Variants in CAT observed in about 807,000 individuals in gnomAD.
CAT encodes catalase, also known as epididymis secretory sperm binding protein.
CAT carries 43 observed loss-of-function variants against 59.0 expected under a neutral mutation model. That is an observed-to-expected ratio of 0.73 (90% CI 0.57 to 0.94). The LOEUF is 0.94. Ranked by LOEUF, CAT falls within the 40% of genes least tolerant of loss-of-function variation. The pLI is 0.00. For synonymous variants in CAT, 218 were observed against 230.9 expected (o/e 0.94, Z 0.51); for missense variants, 664 against 682.9 (o/e 0.97, Z 0.31).
intron 8 of CAT, 102 bp from the exon 9 acceptor site, chr11:34,461,149 A>G (rs567336300): frequency 7.8e-7 from 1 of 1,282,250 alleles, no homozygotes; most frequent in African/African-American, 1.5e-5. Flanking sequence ...GTAACCATGT[A>G]CAGAGTGCTT....
chr11:34,451,526 G>A (rs1204344255), intron 3 of CAT, among the ~76,000 whole-genome samples: 1 of 152,076 alleles, frequency 6.6e-6, no homozygotes, highest in Non-Finnish European at 1.5e-5. Flanking sequence ...ATTTTTGAGA[G>A]GCTAAGTGAT....
chr11:34,451,832 G>T, intron 3 of CAT, among the ~76,000 whole-genome samples: 1 of 152,086 alleles, frequency 6.6e-6, no homozygotes, highest in East Asian at 1.9e-4. Flanking sequence ...TCTTATTATG[G>T]TAAATGAATG....
intron 1 of CAT, among the ~76,000 whole-genome samples, chr11:34,440,457 C>T (rs541650093): frequency 1.1e-3 from 165 of 152,266 alleles, no homozygotes; most frequent in Middle Eastern, 3.4e-3. Flanking sequence ...GGTGCAAATC[C>T]TGGTTCACAC....
At chr11:34,453,975 T>G (rs2133184179) in intron 6 of CAT, 49 bp downstream of exon 6, 1 of 1,583,994 alleles carries the variant, frequency 6.3e-7, no homozygotes, top group Non-Finnish European at 8.7e-7. Flanking sequence ...ACCGCATACC[T>G]CCTTATTTTT....
chr11:34,447,996 G>A (rs555185740), intron 1 of CAT, among the ~76,000 whole-genome samples: 10 of 152,292 alleles, frequency 6.6e-5, no homozygotes, highest in African/African-American at 2.4e-4. Context: ...AGTGGCAAGG[G>A]CATTTACTAG....
chr11:34,453,223 T>C, intron 5 of CAT, 29 bp downstream of exon 5: 7 of 1,298,254 alleles, frequency 5.4e-6, no homozygotes, highest in Non-Finnish European at 7.9e-6. Context: ...CATTGTATTA[T>C]ATCACCTGGG....
intron 10 of CAT, 64 bp from the exon 11 acceptor site, chr11:34,468,224 G>A: frequency 9.2e-7 from 1 of 1,082,598 alleles, no homozygotes; most frequent in Admixed American, 1.7e-5. Flanking sequence ...TGTTGTAGTA[G>A]GTGAATTTTG....
intron 1 of CAT, among the ~76,000 whole-genome samples, chr11:34,439,312 G>T (rs777084804): frequency 2.0e-5 from 3 of 152,214 alleles, no homozygotes; most frequent in Non-Finnish European, 2.9e-5. Flanking sequence ...ACAGGCTCGG[G>T]TGGTTGCTTC....
intron 1 of CAT, among the ~76,000 whole-genome samples, chr11:34,447,423 G>C (rs1457184919): frequency 6.6e-6 from 1 of 151,754 alleles, no homozygotes; most frequent in Non-Finnish European, 1.5e-5. Context: ...TTTTTTTTCT[G>C]GTTCATTTTC....
intron 1 of CAT, among the ~76,000 whole-genome samples, chr11:34,446,063 C>G (rs1026613923): frequency 3.9e-5 from 6 of 152,258 alleles, no homozygotes; most frequent in Admixed American, 3.9e-4. Flanking sequence ...TTAAATACAC[C>G]GCATCCTGCT....
rs748066021 is a variant in CAT at position 34,461,317 on chromosome 11, G to A, written c.1123G>A (p.Val375Met). 4 of 1,614,200 alleles carry A rather than the reference G, an allele frequency of 2.5e-6. No homozygotes were observed. The South Asian group carries it at 4.4e-5, about 18-fold the overall frequency. Residue 375 changes from valine (V) to methionine (M), a missense_variant, in exon 9 of 13, where the codon GTG becomes ATG. Coordinates refer to ENST00000241052, the MANE Select transcript of CAT (RefSeq NM_001752.4). The part of the protein sequence containing the change: ...RLGPNYLHIP[V>M]NCPYRARVAN... ...GGGACCCAATTATCTTCATATACCT[G>A]TGAACTGTCCCTACCGTGCTCGAGT...
In CAT at chr11:34,445,054, CT is replaced by C. The variant is rs1169390045; in HGVS notation, c.67-4136del. Reference sequence around the variant, plus strand: ...CTTCCTCCTGCTTGTTAGAAAGGCTCTTGGCCATATCATATTGGTCCGTGGT... The same window carrying C: ...CTTCCTCCTGCTTGTTAGAAAGGCTCTGGCCATATCATATTGGTCCGTGGT... On this transcript the variant is annotated intron_variant, in intron 1 of 12. Coordinates refer to ENST00000241052, the MANE Select transcript of CAT (RefSeq NM_001752.4). Among the ~76,000 whole-genome samples, 4 of 152,072 alleles carry C rather than the reference CT, an allele frequency of 2.6e-5. No individual in the cohort carries two copies. The South Asian group carries it at 6.2e-4, about 24-fold the overall frequency.
intron 3 of CAT, 116 bp downstream of exon 3, chr11:34,451,214 A>T (rs1202125329): frequency 5.3e-6 from 4 of 756,906 alleles, no homozygotes; most frequent in African/African-American, 1.7e-5. Context: ...TCTCCAAATT[A>T]TGTCAAGGTT....
intron 12 of CAT, 109 bp downstream of exon 12, chr11:34,471,150 T>C (rs1276270013): frequency 9.0e-6 from 9 of 1,001,148 alleles, no homozygotes; most frequent in Non-Finnish European, 1.3e-5. Flanking sequence ...TACCTGCCAC[T>C]GTTAGATTTC....
At position 34,468,338 on chromosome 11, in the gene CAT, G is replaced by T. The variant is rs1411923337; in HGVS notation, c.1377G>T (p.Leu459=). ...TGAATGAGGAACAGAGGAAACGTCT[G>T]TGTGAGAACATTGCCGGCCACCTGA... ...NVLNEEQRKR[L]CENIAGHLKD... is the part of the protein sequence containing the mutation. Residue 459 remains leucine, a synonymous_variant, in exon 11 of 13, where the codon CTG becomes CTT. Transcript: ENST00000241052. The T allele has an allele frequency of 1.9e-6, 3 of 1,613,998 alleles. No individual in the cohort carries two copies. Among genetic ancestry groups the T allele is most frequent in the Non-Finnish European group, 2.5e-6 (3 of 1,180,004 alleles).
chr11:34,461,534 G>A (rs1350459643), intron 9 of CAT, 145 bp downstream of exon 9: 16 of 880,054 alleles, frequency 1.8e-5, no homozygotes, highest in Admixed American at 1.8e-4. Context: ...CTAACTGGGC[G>A]CTTTTTTGCC....
At chr11:34,449,443 AC>A in intron 2 of CAT, 80 bp downstream of exon 2, 1 of 1,221,280 alleles carries the variant, frequency 8.2e-7, no homozygotes, top group Admixed American at 1.9e-5. Context: ...GGATTGGAAG[AC>A]CTTTAACACA....
chr11:34,466,914 T>C (rs1221665145), intron 10 of CAT, among the ~76,000 whole-genome samples: 1 of 151,724 alleles, frequency 6.6e-6, no homozygotes, highest in Non-Finnish European at 1.5e-5. Context: ...ATTTAATAGA[T>C]GGCTTTTAAA....
At position 34,468,354 on chromosome 11, in the gene CAT, G is replaced by A. The variant is rs764937602; in HGVS notation, c.1393G>A (p.Gly465Ser). The part of the protein sequence containing the change: ...QRKRLCENIA[G>S]HLKDAQIFIQ... ...GAAACGTCTGTGTGAGAACATTGCC[G>A]GCCACCTGAAGGATGCACAAATTTT... Residue 465 changes from glycine (G) to serine (S), a missense_variant, in exon 11 of 13, where the codon GGC becomes AGC. Physicochemically the swap from Gly to Ser is moderately conservative, Grantham distance 56. Coordinates refer to ENST00000241052, the MANE Select transcript of CAT (RefSeq NM_001752.4). 9.9e-6 allele frequency: 16 copies of A among 1,613,814 alleles called. No individual in the cohort carries two copies. The highest frequency in any genetic ancestry group is 2.2e-5 in the East Asian group (1 of 44,888).
Sources: gnomAD v4.1 joint callset for allele counts (sites outside exome capture counted in the v4.1 genomes callset) on GRCh38, gnomAD v4.1.1 for gene constraint, MANE v1.5 for transcripts, NCBI Gene and HGNC (gene_info 2026-07-23, HGNC 2026-07-21) for gene names.